GMDS: variants seen among roughly 807,000 people sequenced by gnomAD.
The protein encoded by GMDS is GDP-mannose 4,6 dehydratase.
Under a neutral mutation model 49.9 loss-of-function variants are expected in GMDS, and 20 were observed. The ratio of observed to expected loss-of-function variants is 0.40; its 90% CI spans 0.28 to 0.58. The LOEUF is 0.58. Ranked by LOEUF, GMDS falls within the 20% of genes least tolerant of loss-of-function variation. The pLI is 0.42. For missense variants in GMDS, 362 were observed against 481.4 expected, an observed-to-expected ratio of 0.75 and a Z score of 2.32; for synonymous variants, 177 against 178.6, an observed-to-expected ratio of 0.99 and a Z score of 0.07.
At chr6:2,224,457 C>T (rs1780732161) in intron 1 of GMDS, among the ~76,000 whole-genome samples, 1 of 152,206 alleles carries the variant, frequency 6.6e-6, no homozygotes, top group African/African-American at 2.4e-5. Flanking sequence ...AAACTGTTTT[C>T]AATTTGCAAC....
intron 7 of GMDS, among the ~76,000 whole-genome samples, chr6:1,850,416 T>A (rs1757611483): frequency 6.6e-6 from 1 of 152,244 alleles, no homozygotes; most frequent in South Asian, 2.1e-4. Context: ...CAGTTTTCAG[T>A]TAATTTACAA....
At chr6:1,920,996 C>T (rs527307934) in intron 7 of GMDS, among the ~76,000 whole-genome samples, 2 of 152,266 alleles carry the variant, frequency 1.3e-5, no homozygotes, top group South Asian at 4.2e-4. Context: ...GGTATAATGA[C>T]CCTTCACATC....
chr6:2,154,330 C>A (rs932021437), intron 1 of GMDS, among the ~76,000 whole-genome samples: 3 of 152,034 alleles, frequency 2.0e-5, no homozygotes, highest in African/African-American at 7.2e-5. Flanking sequence ...AACGCATTTA[C>A]TTCTATTTCA....
chr6:1,980,265 CA>C (rs1765146520), intron 4 of GMDS, among the ~76,000 whole-genome samples: 1 of 152,052 alleles, frequency 6.6e-6, no homozygotes, highest in Non-Finnish European at 1.5e-5. Context: ...GATAAAAAAA[CA>C]AGACCCATTG....
At chr6:1,807,841 A>C (rs114458112) in intron 7 of GMDS, among the ~76,000 whole-genome samples, 1,739 of 152,320 alleles carry the variant, frequency 0.011, 30 homozygotes, top group African/African-American at 0.039. Context: ...GGATTAAGGC[A>C]AATATTTCTT....
At chr6:1,681,567 G>T (rs183068645) in intron 9 of GMDS, among the ~76,000 whole-genome samples, 61 of 152,308 alleles carry the variant, frequency 4.0e-4, no homozygotes, top group African/African-American at 1.4e-3. Flanking sequence ...CGACTGCCAG[G>T]GAAGGCCTCC....
intron 7 of GMDS, among the ~76,000 whole-genome samples, chr6:1,877,937 T>C (rs1046592470): frequency 2.0e-5 from 3 of 152,208 alleles, no homozygotes; most frequent in African/African-American, 7.2e-5. Context: ...CTATGTGCTC[T>C]CTTCAGCCCT....
intron 4 of GMDS, among the ~76,000 whole-genome samples, chr6:2,084,577 A>C (rs7750597): frequency 6.6e-6 from 1 of 151,594 alleles, no homozygotes; most frequent in Admixed American, 6.6e-5. Context: ...CGCGATCTTG[A>C]CTCACTGCAA....
intron 4 of GMDS, among the ~76,000 whole-genome samples, chr6:1,986,151 A>G (rs996630704): frequency 6.6e-6 from 1 of 152,216 alleles, no homozygotes; most frequent in African/African-American, 2.4e-5. Flanking sequence ...CAAGGTCTTG[A>G]ATCACAGGTA....
At chr6:1,852,813 T>A (rs1757747922) in intron 7 of GMDS, among the ~76,000 whole-genome samples, 3 of 151,938 alleles carry the variant, frequency 2.0e-5, no homozygotes, top group South Asian at 4.2e-4. Context: ...TTCAAGCGAT[T>A]TTCCTGCCTC....
intron 9 of GMDS, among the ~76,000 whole-genome samples, chr6:1,644,949 T>A (rs1302376285): frequency 7.0e-6 from 1 of 142,634 alleles, no homozygotes; most frequent in South Asian, 2.2e-4. Context: ...TTTTTTTTTT[T>A]AAACGAGACG....
chr6:2,120,928 C>G (rs1294953715), intron 2 of GMDS, among the ~76,000 whole-genome samples: 1 of 152,232 alleles, frequency 6.6e-6, no homozygotes, highest in Non-Finnish European at 1.5e-5. Context: ...CCATGTCACT[C>G]TGCCACCTCC....
intron 1 of GMDS, among the ~76,000 whole-genome samples, chr6:2,244,905 T>C (rs1282847409): frequency 2.6e-5 from 4 of 152,204 alleles, no homozygotes; most frequent in African/African-American, 9.7e-5. Context: ...TAAGCGCCCC[T>C]TGAGCCGAGA....
rs555585671 is a variant in GMDS at position 2,011,968 on chromosome 6, T to C, written c.346-51002A>G. The stretch of plus-strand genomic sequence containing the variant: ...CAAAATCATGTCTTTTCTAGCAATG[T>C]GTATGAAACAAGAGGCCATTATCTT... On this transcript the variant is annotated intron_variant, in intron 4 of 10. Transcript: ENST00000380815. 2.0e-4 allele frequency among the ~76,000 whole-genome samples: 31 copies of C among 152,308 alleles called. 3 individuals carry two copies. The South Asian group carries it at 5.6e-3, about 27-fold the overall frequency.
chr6:1,868,878 A>T (rs1162906022), intron 7 of GMDS, among the ~76,000 whole-genome samples: 1 of 152,258 alleles, frequency 6.6e-6, no homozygotes, highest in Non-Finnish European at 1.5e-5. Flanking sequence ...GAATATGTTT[A>T]AAATATTTAT....
chr6:2,085,673 C>T (rs1010617412), intron 4 of GMDS, among the ~76,000 whole-genome samples: 2 of 152,196 alleles, frequency 1.3e-5, no homozygotes, highest in East Asian at 3.9e-4. Flanking sequence ...GGACTACAGG[C>T]GCTCACCACC....
intron 7 of GMDS, among the ~76,000 whole-genome samples, chr6:1,784,391 A>C (rs1238463477): frequency 2.3e-5 from 2 of 86,318 alleles, no homozygotes; most frequent in Non-Finnish European, 4.5e-5. Context: ...GACTCGTCTC[A>C]AAAAAAAAAA....
chr6:1,890,164 A>C (rs1024782457), intron 7 of GMDS, among the ~76,000 whole-genome samples: 3 of 151,948 alleles, frequency 2.0e-5, no homozygotes, highest in Non-Finnish European at 4.4e-5. Context: ...ACTGCTTTAC[A>C]AAGTGGCTAA....
intron 7 of GMDS, among the ~76,000 whole-genome samples, chr6:1,781,094 C>T (rs1046650494): frequency 5.9e-5 from 9 of 152,074 alleles, no homozygotes; most frequent in Admixed American, 1.3e-4. Context: ...GATTGCAAGA[C>T]GAAGGACACC....
Sources: gnomAD v4.1 joint callset for allele counts (sites outside exome capture counted in the v4.1 genomes callset) on GRCh38, gnomAD v4.1.1 for gene constraint, MANE v1.5 for transcripts, NCBI Gene and HGNC (gene_info 2026-07-23, HGNC 2026-07-21) for gene names.